The following NEXMIF variants were observed in gnomAD, a reference collection of about 807,000 sequenced individuals.
The protein encoded by NEXMIF is neurite extension and migration factor.
NEXMIF carries 8 observed loss-of-function variants against 62.1 expected under a neutral mutation model. The ratio of observed to expected loss-of-function variants is 0.13; its 90% CI spans 0.08 to 0.23. The LOEUF (loss-of-function observed/expected upper bound fraction) is 0.23. Ranked by LOEUF, NEXMIF falls within the 10% of genes least tolerant of loss-of-function variation. The pLI, the probability that NEXMIF is intolerant of heterozygous loss-of-function variation, is 1.00. For synonymous variants in NEXMIF, 404 were observed against 416.6 expected, an observed-to-expected ratio of 0.97 and a Z score of 0.37; for missense variants, 976 against 1,113.3, an observed-to-expected ratio of 0.88 and a Z score of 1.75.
At chrX:74,875,961 A>AT (rs756916391) in intron 1 of NEXMIF, among the ~76,000 whole-genome samples, 2 of 110,900 alleles carry the variant, frequency 1.8e-5, no homozygotes, top group Non-Finnish European at 3.8e-5. Context: ...AGATTCATTA[A>AT]TTTTTTGAAG....
intron 1 of NEXMIF, among the ~76,000 whole-genome samples, chrX:74,894,515 C>T (rs2080727223): frequency 9.0e-6 from 1 of 111,021 alleles, no homozygotes; most frequent in African/African-American, 3.3e-5. Context: ...GATACTGAAA[C>T]CAGACAAAAT....
Position 74,840,880 on chromosome X carries a change from G to A in NEXMIF, c.-48+84003C>T, listed in dbSNP as rs181305181. Among the ~76,000 whole-genome samples, 4 of 111,777 alleles carry A rather than the reference G, an allele frequency of 3.6e-5. No individual in the cohort carries two copies. In the Admixed American group the frequency reaches 3.8e-4, roughly 11 times the overall value. ...CCAGTATCATGCTGTTTTGGTTACT[G>A]TAGCCCTGTAGTATAGTTTGAAGTC... On this transcript the variant is annotated intron_variant, in intron 1 of 3. Transcript: ENST00000055682.
At chrX:74,864,828 C>T (rs1230600707) in intron 1 of NEXMIF, among the ~76,000 whole-genome samples, 1 of 110,775 alleles carries the variant, frequency 9.0e-6, no homozygotes, top group Non-Finnish European at 1.9e-5. Context: ...CATGCCTCAG[C>T]CTCCTGAGTA....
chrX:74,788,849 C>T lies in NEXMIF; in HGVS notation c.-47-43152G>A, dbSNP rs890327922. 2.7e-5 allele frequency among the ~76,000 whole-genome samples: 3 copies of T among 111,063 alleles called. No individual in the cohort carries two copies. The Admixed American group carries it at 2.9e-4, about 11-fold the overall frequency. ...ATAATTTTCAGTCTCCCACAATCTC[C>T]CAGACTTCCAGCTCAGAGTGCCAGC... On this transcript the variant is annotated intron_variant, in intron 1 of 3. Transcript: ENST00000055682.
intron 1 of NEXMIF, among the ~76,000 whole-genome samples, chrX:74,854,776 G>A (rs1179912978): frequency 9.0e-6 from 1 of 111,010 alleles, no homozygotes; most frequent in African/African-American, 3.3e-5. Context: ...AACTAGCTGA[G>A]AAGAAATCAA....
intron 1 of NEXMIF, among the ~76,000 whole-genome samples, chrX:74,840,206 A>G (rs940308208): frequency 9.0e-6 from 1 of 111,564 alleles, no homozygotes; most frequent in Non-Finnish European, 1.9e-5. Context: ...GGCTGCATGT[A>G]TGTCTTCTTT....
intron 1 of NEXMIF, among the ~76,000 whole-genome samples, chrX:74,756,511 A>T (rs1256703437): frequency 9.0e-6 from 1 of 111,064 alleles, no homozygotes; most frequent in East Asian, 2.8e-4. Context: ...GCCACATGAG[A>T]CAAGGAATGG....
chrX:74,778,429 C>T (rs774777920), intron 1 of NEXMIF, among the ~76,000 whole-genome samples: 1 of 110,948 alleles, frequency 9.0e-6, no homozygotes, highest in East Asian at 2.9e-4. Context: ...TCCTCCCTTC[C>T]TTCCTTCTTT....
At chrX:74,836,725 C>T (rs766062007) in intron 1 of NEXMIF, among the ~76,000 whole-genome samples, 2 of 111,658 alleles carry the variant, frequency 1.8e-5, no homozygotes, top group Non-Finnish European at 3.8e-5. Context: ...GAGACAATTT[C>T]GTTGCTGTGA....
chrX:74,890,987 C>G (rs937059037), intron 1 of NEXMIF, among the ~76,000 whole-genome samples: 1 of 111,801 alleles, frequency 8.9e-6, no homozygotes, highest in Non-Finnish European at 1.9e-5. Context: ...TGGCTTTGAT[C>G]TGACAGTCTC....
intron 1 of NEXMIF, among the ~76,000 whole-genome samples, chrX:74,844,837 C>T (rs1289511779): frequency 1.8e-5 from 2 of 112,278 alleles, no homozygotes; most frequent in East Asian, 5.6e-4. Context: ...AGGTGAGAAG[C>T]AATACAAACA....
rs750713505 is a variant in NEXMIF at position 74,822,610 on chromosome X, T to C, written c.-47-76913A>G. ...TGAATAGACATTTCTTCAAAGAAGATATACAAATGGCCAATATGCACATGC... is the reference window on the plus strand; with the variant it reads ...TGAATAGACATTTCTTCAAAGAAGACATACAAATGGCCAATATGCACATGC... On this transcript the variant is annotated intron_variant, in intron 1 of 3. Coordinates refer to ENST00000055682, the MANE Select transcript of NEXMIF (RefSeq NM_001008537.3). Among the ~76,000 whole-genome samples the C allele has an allele frequency of 1.7e-4, 19 of 112,287 alleles. 1 individual carries two copies. In the East Asian group the frequency reaches 2.8e-3, roughly 17 times the overall value.
At chrX:74,887,178 A>G (rs1296109290) in intron 1 of NEXMIF, among the ~76,000 whole-genome samples, 1 of 112,299 alleles carries the variant, frequency 8.9e-6, no homozygotes, top group African/African-American at 3.2e-5. Context: ...TACAGGTTAG[A>G]CCTAAAACCA....
At chrX:74,870,120 C>T (rs998633598) in intron 1 of NEXMIF, among the ~76,000 whole-genome samples, 1 of 111,290 alleles carries the variant, frequency 9.0e-6, no homozygotes, top group African/African-American at 3.3e-5. Flanking sequence ...TCATAAAAAA[C>T]AGATACATAT....
At chrX:74,905,130 G>C (rs965833378) in intron 1 of NEXMIF, among the ~76,000 whole-genome samples, 1 of 111,095 alleles carries the variant, frequency 9.0e-6, no homozygotes, top group East Asian at 2.8e-4. Context: ...GTAGAAAAGG[G>C]GAATGTAAAA....
Position 74,799,877 on chromosome X carries a change from C to A in NEXMIF, c.-47-54180G>T, listed in dbSNP as rs968714729. ...AACACCTCTCTTGTTAAGTACCTAACAAGAGAGGCCCAAAATATAAGAAGC... is the reference window on the plus strand; with the variant it reads ...AACACCTCTCTTGTTAAGTACCTAAAAAGAGAGGCCCAAAATATAAGAAGC... On this transcript the variant is annotated intron_variant, in intron 1 of 3. Coordinates refer to ENST00000055682, the MANE Select transcript of NEXMIF (RefSeq NM_001008537.3). Among the ~76,000 whole-genome samples, 4 of 111,236 alleles carry A rather than the reference C, an allele frequency of 3.6e-5. 1 individual carries two copies. The highest frequency in any genetic ancestry group is 1.3e-4 in the African/African-American group (4 of 30,555).
chrX:74,744,193 G>A lies in NEXMIF; in HGVS notation c.364C>T (p.Pro122Ser), dbSNP rs745913402. ...WSLPNECEKA[P>S]FAIMEPAGMS... ...CCTGCAGGCTCCATTATGGCAAATG[G>A]AGCTTTCTCACATTCATTGGGAAGT... Residue 122 changes from proline (P) to serine (S), a missense_variant, in exon 3 of 4, where the codon CCA (proline) becomes TCA (serine). Coordinates refer to ENST00000055682, the MANE Select transcript of NEXMIF (RefSeq NM_001008537.3). 2 of 1,209,492 alleles carry A rather than the reference G, an allele frequency of 1.7e-6. No homozygotes were observed. Among genetic ancestry groups the A allele is most frequent in the African/African-American group, 3.5e-5 (2 of 57,034 alleles).
At chrX:74,810,963 G>A (rs765167693) in intron 1 of NEXMIF, among the ~76,000 whole-genome samples, 4 of 111,512 alleles carry the variant, frequency 3.6e-5, no homozygotes, top group African/African-American at 1.3e-4. Flanking sequence ...TACCTACAAC[G>A]CTAGGCACTG....
rs1429882224 is a variant in NEXMIF at position 74,733,976 on chromosome X, AAT to A, written c.*5427_*5428del. 8.9e-6 allele frequency: 1 copy of A among 112,421 alleles called. No individual in the cohort carries two copies. Among genetic ancestry groups the A allele is most frequent in the Non-Finnish European group, 1.9e-5 (1 of 53,213 alleles). The allele number at this position is 112,421 out of a possible 1,213,427, so 9.3% of individuals were successfully genotyped here. A position where few individuals can be genotyped will look rare whatever the true frequency, so the allele number is the denominator to read the frequency against. On this transcript the variant is annotated 3_prime_UTR_variant, in exon 4 of 4. Transcript: ENST00000055682. ...TTCTAAGAAAAATATACACTTACAA[AAT>A]ATGTTACAAATTGGCACACTTAAAA... is the stretch of plus-strand genomic sequence containing the variant.
Sources: gnomAD v4.1 joint callset for allele counts (sites outside exome capture counted in the v4.1 genomes callset) on GRCh38, gnomAD v4.1.1 for gene constraint, MANE v1.5 for transcripts, NCBI Gene and HGNC (gene_info 2026-07-23, HGNC 2026-07-21) for gene names.